Variants in DTWD2 observed in about 807,000 individuals in gnomAD.
DTWD2 encodes DTW motif tRNA-uridine aminocarboxypropyltransferase 2, also known as tRNA-uridine aminocarboxypropyltransferase 2.
In DTWD2, 39 loss-of-function variants were observed where a neutral mutation model predicts 31.8. That is an observed-to-expected ratio of 1.22 (90% confidence interval 0.95 to 1.60). The LOEUF is 1.60. Among genes scored for constraint, DTWD2 ranks in the 40% most tolerant of loss-of-function variants. The pLI, the probability that DTWD2 is intolerant of heterozygous loss-of-function variation, is 0.00. For synonymous variants in DTWD2, 180 were observed against 142.8 expected (o/e 1.26, Z -1.86); for missense variants, 515 against 381.5 (o/e 1.35, Z -2.92).
In DTWD2 at chr5:118,944,606, G is replaced by C; in HGVS notation, c.262C>G (p.Pro88Ala). 6.2e-7 allele frequency: 1 copy of C among 1,613,560 alleles called. No homozygotes were observed. Among genetic ancestry groups the C allele is most frequent in the Non-Finnish European group, 8.5e-7 (1 of 1,179,756 alleles). The change falls in exon 2 of 6, where the codon CCT (proline) becomes GCT (alanine). Residue 88 changes from proline (P) to alanine (A), a missense_variant. Transcript: ENST00000510708. ...TACAAGTGGGTAGAGATATGCAGAG[G>C]GTGCGCTGGGAGAAATGGACACAAA... ...VCLCPFLPAH[P>A]LHISTHLYII... is the part of the protein sequence containing the mutation.
At chr5:118,907,246 T>A (rs887701619) in intron 4 of DTWD2, among the ~76,000 whole-genome samples, 8 of 152,240 alleles carry the variant, frequency 5.3e-5, no homozygotes, top group African/African-American at 1.9e-4. Context: ...GGAATTCATT[T>A]AACTGCACTG....
At chr5:118,856,336 T>C (rs1752133590) in intron 4 of DTWD2, among the ~76,000 whole-genome samples, 1 of 152,212 alleles carries the variant, frequency 6.6e-6, no homozygotes. Context: ...ATAGCTGCAG[T>C]GTATTTATTT....
At chr5:118,943,598 T>C (rs1580426341) in intron 2 of DTWD2, among the ~76,000 whole-genome samples, 4 of 140,670 alleles carry the variant, frequency 2.8e-5, no homozygotes, top group African/African-American at 1.1e-4. Flanking sequence ...CCAAATGGAG[T>C]AGTTAACAAT....
chr5:118,922,193 CA>C (rs1753719130), intron 4 of DTWD2, among the ~76,000 whole-genome samples: 1 of 152,094 alleles, frequency 6.6e-6, no homozygotes, highest in African/African-American at 2.4e-5. Flanking sequence ...TATTAGAATT[CA>C]AAATTAAAAG....
At chr5:118,964,756 G>C in intron 1 of DTWD2, among the ~76,000 whole-genome samples, 1 of 152,232 alleles carries the variant, frequency 6.6e-6, no homozygotes, top group Non-Finnish European at 1.5e-5. Context: ...ATGTTGCCCA[G>C]GCTGGAGTGC....
intron 1 of DTWD2, among the ~76,000 whole-genome samples, chr5:118,984,425 C>A (rs1350268347): frequency 2.1e-5 from 3 of 144,374 alleles, no homozygotes; most frequent in Non-Finnish European, 4.5e-5. Flanking sequence ...TGCGCCACTG[C>A]AATCCAGCCT....
At chr5:118,918,003 T>C (rs1232403355) in intron 4 of DTWD2, among the ~76,000 whole-genome samples, 2 of 150,650 alleles carry the variant, frequency 1.3e-5, no homozygotes, top group Admixed American at 6.6e-5. Context: ...TCATTCACTA[T>C]CACAAAAACA....
intron 4 of DTWD2, among the ~76,000 whole-genome samples, chr5:118,888,322 T>C (rs557897485): frequency 6.6e-6 from 1 of 152,296 alleles, no homozygotes; most frequent in South Asian, 2.1e-4. Flanking sequence ...TAGTTTGAAT[T>C]TCCTACAATT....
chr5:118,843,966 A>G (rs141251829), intron 5 of DTWD2, among the ~76,000 whole-genome samples: 3 of 152,228 alleles, frequency 2.0e-5, no homozygotes, highest in Non-Finnish European at 4.4e-5. Context: ...AGAAGCATTA[A>G]AAGTGGTATA....
intron 1 of DTWD2, among the ~76,000 whole-genome samples, chr5:118,971,587 A>T (rs1754989574): frequency 1.3e-5 from 2 of 152,188 alleles, no homozygotes; most frequent in South Asian, 4.1e-4. Context: ...ACAGAAAATT[A>T]ACAAAGATAT....
chr5:118,938,121 C>T (rs1374398967), intron 3 of DTWD2, among the ~76,000 whole-genome samples: 2 of 152,024 alleles, frequency 1.3e-5, no homozygotes, highest in Admixed American at 6.6e-5. Flanking sequence ...TAGTTAATAA[C>T]GTCCACAGAG....
chr5:118,980,261 C>G (rs1358860706), intron 1 of DTWD2, among the ~76,000 whole-genome samples: 1 of 152,230 alleles, frequency 6.6e-6, no homozygotes. Context: ...GTTCAAGGTC[C>G]TTCAGCCAGG....
chr5:118,988,132 G>A, intron 1 of DTWD2, 162 bp downstream of exon 1: 1 of 842,676 alleles, frequency 1.2e-6, no homozygotes, highest in Non-Finnish European at 1.9e-6. Flanking sequence ...CTTCTTACTA[G>A]GTAGCTGTGC....
At position 118,856,688 on chromosome 5, in the gene DTWD2, G is replaced by A. The variant is rs553501616; in HGVS notation, c.598-8470C>T. Among the ~76,000 whole-genome samples the A allele has an allele frequency of 5.9e-5, 8 of 135,702 alleles. No homozygotes were observed. In the East Asian group the frequency reaches 1.8e-3, roughly 31 times the overall value. The allele number at this position is 135,702 out of a possible 152,430, so 89.0% of individuals were successfully genotyped here. On this transcript the variant is annotated intron_variant, in intron 4 of 5. Coordinates refer to ENST00000510708, the MANE Select transcript of DTWD2 (RefSeq NM_173666.4). Reference sequence around the variant, plus strand: ...CTTTTAAAAATGTTTGCCATATTTTGTATTTTTCTTTACTAAATTAGTCAT... The same window carrying A: ...CTTTTAAAAATGTTTGCCATATTTTATATTTTTCTTTACTAAATTAGTCAT...
intron 4 of DTWD2, among the ~76,000 whole-genome samples, chr5:118,886,408 A>G (rs913614364): frequency 2.0e-5 from 3 of 152,370 alleles, no homozygotes; most frequent in Middle Eastern, 3.4e-3. Context: ...TGTTGTGGGT[A>G]CTATGGAAAT....
intron 1 of DTWD2, among the ~76,000 whole-genome samples, chr5:118,947,692 C>T (rs558666946): frequency 6.6e-6 from 1 of 152,264 alleles, no homozygotes; most frequent in South Asian, 2.1e-4. Flanking sequence ...GGGCATAGTT[C>T]CAGGCTTGAG....
chr5:118,930,487 T>A (rs773224400), intron 3 of DTWD2, among the ~76,000 whole-genome samples: 5 of 152,030 alleles, frequency 3.3e-5, no homozygotes, highest in African/African-American at 7.2e-5. Context: ...TAACAACTTT[T>A]CTTAGATTCG....
At chr5:118,907,501 C>T (rs544605776) in intron 4 of DTWD2, among the ~76,000 whole-genome samples, 11 of 152,084 alleles carry the variant, frequency 7.2e-5, no homozygotes, top group Admixed American at 1.3e-4. Context: ...GAGGCCAAGG[C>T]GGGCAGATCA....
At chr5:118,888,622 G>C (rs1432606464) in intron 4 of DTWD2, among the ~76,000 whole-genome samples, 2 of 152,158 alleles carry the variant, frequency 1.3e-5, no homozygotes, top group Non-Finnish European at 2.9e-5. Flanking sequence ...TAAATATCTA[G>C]GAGTGAAATG....
Sources: allele counts gnomAD v4.1 joint callset (sites outside exome capture counted in the v4.1 genomes callset), GRCh38; gene constraint gnomAD v4.1.1; transcripts MANE v1.5; gene names NCBI Gene and HGNC (gene_info 2026-07-23, HGNC 2026-07-21).